The following SLC5A4 variants were observed in gnomAD, a reference collection of about 807,000 sequenced individuals.
The protein encoded by SLC5A4 is solute carrier family 5 member 4.
SLC5A4 carries 55 observed loss-of-function variants against 70.3 expected under a neutral mutation model. That is an observed-to-expected ratio of 0.78 (90% CI 0.63 to 0.98). The LOEUF is 0.98. Among genes scored for constraint, SLC5A4 ranks in the 50% least tolerant of loss-of-function variants. SLC5A4 has a pLI of 0.00. For synonymous variants in SLC5A4, 268 were observed against 305.7 expected (o/e 0.88, Z 1.29); for missense variants, 735 against 839.2 (o/e 0.88, Z 1.53).
chr22:32,330,243 CTGTGTTGGGGGGCTCTGGTGTG>C, the SLC5A4 span, among the ~76,000 whole-genome samples: 95 of 89,362 alleles, frequency 1.1e-3, 1 homozygote, highest in African/African-American at 2.3e-3. Flanking sequence ...GTTGGGGTCT[CTGTGTTGGGGGGCTCTGGTGTG>C]TGTGTTGGGG....
chr22:32,289,796 T>C, the SLC5A4 span, among the ~76,000 whole-genome samples: 5 of 152,388 alleles, frequency 3.3e-5, no homozygotes, highest in African/African-American at 1.2e-4. Flanking sequence ...CCTGTTCATA[T>C]ACCTGATTAG....
the SLC5A4 span, among the ~76,000 whole-genome samples, chr22:32,304,735 G>C: frequency 6.6e-6 from 1 of 152,154 alleles, no homozygotes; most frequent in Non-Finnish European, 1.5e-5. Flanking sequence ...TAATTTTAAT[G>C]AAGTCCAACT....
chr22:32,255,364 A>T, upstream of SLC5A4: 1 of 1,605,776 alleles, frequency 6.2e-7, no homozygotes, highest in Non-Finnish European at 8.5e-7. Flanking sequence ...TCCACGCATG[A>T]GCCATCTTTA....
the SLC5A4 span, among the ~76,000 whole-genome samples, chr22:32,315,625 A>G: frequency 6.6e-6 from 1 of 152,170 alleles, no homozygotes; most frequent in Non-Finnish European, 1.5e-5. Context: ...CCAAATTATC[A>G]GAAGACATAC....
the SLC5A4 span, among the ~76,000 whole-genome samples, chr22:32,287,837 A>G: frequency 6.6e-6 from 1 of 150,838 alleles, no homozygotes; most frequent in Non-Finnish European, 1.5e-5. Flanking sequence ...CTCTCCATTT[A>G]AAAGTGAAAG....
At chr22:32,270,194 T>C in the SLC5A4 span, 2 of 661,268 alleles carry the variant, frequency 3.0e-6, no homozygotes, top group East Asian at 3.0e-5. Flanking sequence ...CCACCTACCT[T>C]TGAGGTGTGT....
the SLC5A4 span, among the ~76,000 whole-genome samples, chr22:32,331,179 G>A: frequency 7.8e-6 from 1 of 127,440 alleles, no homozygotes; most frequent in Non-Finnish European, 1.6e-5. Context: ...GGGCTCTGGT[G>A]TATGTGTTGG....
At chr22:32,249,145 C>A (rs374726939) in intron 3 of SLC5A4, among the ~76,000 whole-genome samples, 2 of 152,130 alleles carry the variant, frequency 1.3e-5, no homozygotes, top group Admixed American at 1.3e-4. Flanking sequence ...AGAAAGGAAC[C>A]TGGAGATAGA....
upstream of SLC5A4, among the ~76,000 whole-genome samples, chr22:32,258,351 A>G (rs1285195161): frequency 1.3e-5 from 2 of 152,194 alleles, no homozygotes; most frequent in Non-Finnish European, 2.9e-5. Flanking sequence ...AGTATGGTTG[A>G]TTCCAAAATA....
At chr22:32,270,184 C>T in the SLC5A4 span, 2 of 661,312 alleles carry the variant, frequency 3.0e-6, no homozygotes, top group South Asian at 1.5e-5. Context: ...ACACAGCTGG[C>T]CACCTACCTT....
At chr22:32,219,026 G>T (rs1177014544) in intron 14 of SLC5A4, among the ~76,000 whole-genome samples, 3 of 152,044 alleles carry the variant, frequency 2.0e-5, no homozygotes, top group Non-Finnish European at 4.4e-5. Flanking sequence ...GTAAGAAAAG[G>T]CTATCAACAG....
At chr22:32,294,114 C>T in the SLC5A4 span, among the ~76,000 whole-genome samples, 35 of 152,022 alleles carry the variant, frequency 2.3e-4, no homozygotes, top group Middle Eastern at 6.8e-3. Context: ...TCAGTAGTTG[C>T]AGAAAATTCT....
chr22:32,323,676 G>A, the SLC5A4 span, among the ~76,000 whole-genome samples: 2 of 152,224 alleles, frequency 1.3e-5, no homozygotes, highest in East Asian at 3.9e-4. Flanking sequence ...GGAGGTCCAG[G>A]TGATGGTCGA....
the SLC5A4 span, among the ~76,000 whole-genome samples, chr22:32,301,644 A>G: frequency 6.6e-6 from 1 of 152,312 alleles, no homozygotes; most frequent in South Asian, 2.1e-4. Context: ...TAGCTACCTT[A>G]TTTGCAAAAA....
At chr22:32,247,337 C>G in intron 5 of SLC5A4, 74 bp downstream of exon 5, 1 of 841,896 alleles carries the variant, frequency 1.2e-6, no homozygotes, top group Non-Finnish European at 2.1e-6. Flanking sequence ...ACACATCCAG[C>G]TCTCTGATAT....
At chr22:32,324,088 CTGG>C in the SLC5A4 span, among the ~76,000 whole-genome samples, 18 of 152,246 alleles carry the variant, frequency 1.2e-4, no homozygotes, top group Non-Finnish European at 1.8e-4. Flanking sequence ...CAAATTCAGG[CTGG>C]TGGACCCAGG....
At chr22:32,332,883 G>A in the SLC5A4 span, among the ~76,000 whole-genome samples, 4 of 152,164 alleles carry the variant, frequency 2.6e-5, no homozygotes, top group African/African-American at 4.8e-5. Flanking sequence ...GGCAGCCTCT[G>A]TCCGTAACTC....
chr22:32,310,597 C>CTT, the SLC5A4 span, among the ~76,000 whole-genome samples: 1 of 152,222 alleles, frequency 6.6e-6, no homozygotes, highest in Non-Finnish European at 1.5e-5. Context: ...GGTTCTCCCA[C>CTT]TTTGCCTCTG....
the SLC5A4 span, among the ~76,000 whole-genome samples, chr22:32,319,426 A>G: frequency 1.4e-5 from 2 of 147,648 alleles, no homozygotes; most frequent in African/African-American, 5.0e-5. Context: ...AGACCTTCAA[A>G]TCAAACTGGA....
Sources: gnomAD v4.1 joint callset for allele counts (sites outside exome capture counted in the v4.1 genomes callset) on GRCh38, gnomAD v4.1.1 for gene constraint, MANE v1.5 for transcripts, NCBI Gene and HGNC (gene_info 2026-07-23, HGNC 2026-07-21) for gene names.